The following CABCOCO1 variants were observed in gnomAD, a reference collection of about 807,000 sequenced individuals.
The protein encoded by CABCOCO1 is ciliary-associated calcium-binding coiled-coil protein 1.
Under a neutral mutation model 35.7 loss-of-function variants are expected in CABCOCO1, and 28 were observed. That is an observed-to-expected ratio of 0.78 (90% CI 0.58 to 1.07). The LOEUF is 1.07. Among genes scored for constraint, CABCOCO1 ranks in the 50% least tolerant of loss-of-function variants. The pLI is 0.00. For missense variants in CABCOCO1, 326 were observed against 309.2 expected, an observed-to-expected ratio of 1.05 and a Z score of -0.41; for synonymous variants, 95 against 100.1, an observed-to-expected ratio of 0.95 and a Z score of 0.30.
At chr10:61,685,611 AG>A (rs758249003) in intron 3 of CABCOCO1, among the ~76,000 whole-genome samples, 1 of 152,154 alleles carries the variant, frequency 6.6e-6, no homozygotes, top group Non-Finnish European at 1.5e-5. Flanking sequence ...CCCAGGCTGG[AG>A]TGCAGTGGCA....
rs35152499 is a variant in CABCOCO1 at position 61,703,227 on chromosome 10, G to GACACAC, written c.552+12643_552+12648dup. 5.3e-3 allele frequency among the ~76,000 whole-genome samples: 749 copies of GACACAC among 141,568 alleles called. 3 individuals carry two copies. The highest frequency in any genetic ancestry group is 0.024 in the Middle Eastern group (7 of 286). The allele number at this position is 141,568 out of a possible 152,430, so 92.9% of individuals were successfully genotyped here. A position where few individuals can be genotyped will look rare whatever the true frequency, so the allele number is the denominator to read the frequency against. On this transcript the variant is annotated intron_variant, in intron 5 of 7. Transcript: ENST00000648843. ...ATAAATGTACAAAGGCTTGTGAGGA[G>GACACAC]ACACACACACACACACACACACACA...
intron 2 of CABCOCO1, among the ~76,000 whole-genome samples, chr10:61,674,188 G>T (rs1839441834): frequency 6.6e-6 from 1 of 152,138 alleles, no homozygotes; most frequent in South Asian, 2.1e-4. Context: ...CATACTTTGT[G>T]TGATGATTTT....
At chr10:61,681,361 T>G in intron 3 of CABCOCO1, 49 bp downstream of exon 3, 1 of 1,356,298 alleles carries the variant, frequency 7.4e-7, no homozygotes, top group Non-Finnish European at 1.0e-6. Flanking sequence ...ATTTACCATA[T>G]AAATTGAGGT....
chr10:61,687,868 A>G (rs1840013903), intron 4 of CABCOCO1, among the ~76,000 whole-genome samples: 1 of 152,186 alleles, frequency 6.6e-6, no homozygotes, highest in South Asian at 2.1e-4. Flanking sequence ...AAATTATGCA[A>G]TTTAAATATC....
intron 1 of CABCOCO1, among the ~76,000 whole-genome samples, chr10:61,664,066 T>C (rs1478581263): frequency 6.6e-6 from 1 of 152,178 alleles, no homozygotes; most frequent in Non-Finnish European, 1.5e-5. Flanking sequence ...CTCAGAGATA[T>C]ATAAGCTGTT....
At chr10:61,714,727 G>C (rs1023125960) in intron 5 of CABCOCO1, among the ~76,000 whole-genome samples, 1 of 152,064 alleles carries the variant, frequency 6.6e-6, no homozygotes, top group Non-Finnish European at 1.5e-5. Flanking sequence ...GTTCTTATTG[G>C]TGTCAAAGAA....
chr10:61,709,430 C>A (rs1479960088), intron 5 of CABCOCO1, among the ~76,000 whole-genome samples: 2 of 151,978 alleles, frequency 1.3e-5, no homozygotes, highest in African/African-American at 4.8e-5. Flanking sequence ...AAGAGAGTCA[C>A]CTTTCATTAA....
chr10:61,745,357 G>A (rs1161981737), intron 5 of CABCOCO1, among the ~76,000 whole-genome samples: 2 of 152,088 alleles, frequency 1.3e-5, no homozygotes, highest in African/African-American at 4.8e-5. Flanking sequence ...TAACTATTAT[G>A]AGGCTAGTTG....
intron 5 of CABCOCO1, among the ~76,000 whole-genome samples, chr10:61,718,956 CAA>C (rs1840933081): frequency 6.6e-6 from 1 of 152,126 alleles, no homozygotes; most frequent in South Asian, 2.1e-4. Flanking sequence ...GTAAAATTGT[CAA>C]ATGAAAAGCT....
intron 5 of CABCOCO1, among the ~76,000 whole-genome samples, chr10:61,720,944 C>CTTTTTTA (rs1840997911): frequency 1.4e-4 from 13 of 93,844 alleles, no homozygotes; most frequent in South Asian, 8.9e-4. Context: ...TTTTTTTTTG[C>CTTTTTTA]GACAGAGTCT....
At chr10:61,699,603 C>T (rs1840394933) in intron 5 of CABCOCO1, among the ~76,000 whole-genome samples, 1 of 152,082 alleles carries the variant, frequency 6.6e-6, no homozygotes, top group African/African-American at 2.4e-5. Flanking sequence ...TGCTACCAAC[C>T]CATGCCTACT....
intron 5 of CABCOCO1, among the ~76,000 whole-genome samples, chr10:61,750,543 T>C (rs933275779): frequency 3.3e-5 from 5 of 152,198 alleles, no homozygotes; most frequent in African/African-American, 1.2e-4. Flanking sequence ...GCCACTGGAC[T>C]CCAGCCTGGG....
intron 5 of CABCOCO1, among the ~76,000 whole-genome samples, chr10:61,716,344 C>T (rs149459911): frequency 6.6e-6 from 1 of 152,214 alleles, no homozygotes; most frequent in East Asian, 1.9e-4. Flanking sequence ...AGAACTGGCA[C>T]AGTGTCACTT....
At chr10:61,668,028 A>AT (rs1839244105) in intron 1 of CABCOCO1, among the ~76,000 whole-genome samples, 1 of 151,528 alleles carries the variant, frequency 6.6e-6, no homozygotes, top group African/African-American at 2.4e-5. Context: ...CGTGTTTAGC[A>AT]TTTTTTTCTT....
chr10:61,727,126 T>C (rs1841173645), intron 5 of CABCOCO1, among the ~76,000 whole-genome samples: 1 of 152,118 alleles, frequency 6.6e-6, no homozygotes, highest in African/African-American at 2.4e-5. Context: ...CACCTTCTAT[T>C]AGATTATAAA....
chr10:61,733,758 C>T (rs1841355676), intron 5 of CABCOCO1, among the ~76,000 whole-genome samples: 1 of 151,940 alleles, frequency 6.6e-6, no homozygotes, highest in Non-Finnish European at 1.5e-5. Flanking sequence ...AGCATTTTAT[C>T]TACATTTCTT....
At chr10:61,720,278 AT>A (rs1240811053) in intron 5 of CABCOCO1, among the ~76,000 whole-genome samples, 1 of 93,338 alleles carries the variant, frequency 1.1e-5, no homozygotes, top group East Asian at 2.2e-4. Context: ...GAGGTAAAAA[AT>A]AAAAAATAAA....
Position 61,766,459 on chromosome 10 carries a change from TG to T in CABCOCO1, c.*447del, listed in dbSNP as rs1359020743. ...TGAAAACATACCAGTACCACACTATTGAGGATAAAATTTGTTAAACAATAGC... is the reference window on the plus strand; with the variant it reads ...TGAAAACATACCAGTACCACACTATTAGGATAAAATTTGTTAAACAATAGC... On this transcript the variant is annotated 3_prime_UTR_variant, in exon 8 of 8. Transcript: ENST00000648843. 1 of 151,500 alleles carries T rather than the reference TG, an allele frequency of 6.6e-6. No individual in the cohort carries two copies. The highest frequency in any genetic ancestry group is 2.4e-5 in the African/African-American group (1 of 41,264). 9.4% of individuals were successfully genotyped at this position (151,500 alleles called of 1,614,324 possible).
At chr10:61,745,525 G>A (rs994981567) in intron 5 of CABCOCO1, among the ~76,000 whole-genome samples, 4 of 152,148 alleles carry the variant, frequency 2.6e-5, no homozygotes, top group Admixed American at 6.6e-5. Flanking sequence ...AACTGTAGCC[G>A]TTTTTATGTA....
Sources: allele counts gnomAD v4.1 joint callset (sites outside exome capture counted in the v4.1 genomes callset), GRCh38; gene constraint gnomAD v4.1.1; transcripts MANE v1.5; gene names NCBI Gene and HGNC (gene_info 2026-07-23, HGNC 2026-07-21).